ELP2: variants seen among roughly 807,000 people sequenced by gnomAD.
ELP2 encodes the protein elongator acetyltransferase complex subunit 2, also known as elongator complex protein 2.
A neutral mutation model predicts 119.2 loss-of-function variants in ELP2; 90 were observed. The observed-to-expected ratio is 0.75, with a 90% confidence interval of 0.64 to 0.90. The LOEUF (loss-of-function observed/expected upper bound fraction) is 0.90, where lower values mean the gene tolerates loss of function less well. Among genes scored for constraint, ELP2 ranks in the 40% least tolerant of loss-of-function variants. ELP2 has a pLI of 0.00. For missense variants in ELP2, 921 were observed against 967.8 expected (o/e 0.95, Z 0.64); for synonymous variants, 339 against 331.0 (o/e 1.02, Z -0.26).
intron 3 of ELP2, 75 bp from the exon 4 acceptor site, chr18:36,138,195 G>C: frequency 6.6e-7 from 1 of 1,509,952 alleles, no homozygotes. Context: ...CATTTTATTG[G>C]CACATTTATC....
chr18:36,156,354 A>G, intron 12 of ELP2, 112 bp from the exon 13 acceptor site: 2 of 1,046,478 alleles, frequency 1.9e-6, no homozygotes, highest in Non-Finnish European at 2.9e-6. Context: ...ATGGATGAAT[A>G]TTTGCCCCAT....
Position 36,164,652 on chromosome 18 carries a change from A to G in ELP2, c.1939A>G (p.Ile647Val), listed in dbSNP as rs774200951. The G allele has an allele frequency of 1.1e-5, 17 of 1,613,948 alleles. No individual in the cohort carries two copies. The highest frequency in any genetic ancestry group is 4.5e-5 in the East Asian group (2 of 44,864). ...GTCATTGTGGAAAAAGCAGGATACA[A>G]TCTCACCTGAGTTCGGTAAAACAGC... ...TWSLWKKQDT[I>V]SPEFEPVFSL... Residue 647 changes from isoleucine (I) to valine (V), a missense_variant, in exon 18 of 22, where the codon ATC becomes GTC. By Grantham distance (29) the Ile-to-Val change is conservative (BLOSUM62 3). Transcript: ENST00000358232.
intron 5 of ELP2, among the ~76,000 whole-genome samples, chr18:36,139,994 T>G (rs932890249): frequency 2.6e-5 from 4 of 151,920 alleles, no homozygotes; most frequent in African/African-American, 9.7e-5. Context: ...ACAAGCATGC[T>G]CCACCACGCC....
chr18:36,146,256 G>A lies in ELP2; in HGVS notation c.1000G>A (p.Val334Ile). ...ESGVWLEQVR[V>I]GEVGGNTLGF... Reference sequence around the variant, plus strand: ...TCTGTCTGTTATTGTACAGGTTCGAGTAGGTGAAGTAGGTGGGAATACTTT... The same window carrying A: ...TCTGTCTGTTATTGTACAGGTTCGAATAGGTGAAGTAGGTGGGAATACTTT... The change falls in exon 11 of 22, where the codon GTA becomes ATA. Residue 334 changes from valine to isoleucine, a missense_variant. Coordinates refer to ENST00000358232, the MANE Select transcript of ELP2 (RefSeq NM_018255.4). 6.2e-7 allele frequency: 1 copy of A among 1,614,112 alleles called. No homozygotes were observed. Among genetic ancestry groups the A allele is most frequent in the South Asian group, 1.1e-5 (1 of 91,090 alleles).
At chr18:36,138,740 G>C in intron 4 of ELP2, 55 bp from the exon 5 acceptor site, 1 of 1,427,580 alleles carries the variant, frequency 7.0e-7, no homozygotes, top group Non-Finnish European at 9.9e-7. Flanking sequence ...AACCTGTCTA[G>C]TTGGATAAGC....
At chr18:36,135,690 C>G (rs1484462131) in intron 2 of ELP2, among the ~76,000 whole-genome samples, 1 of 152,096 alleles carries the variant, frequency 6.6e-6, no homozygotes, top group East Asian at 1.9e-4. Flanking sequence ...GTAGTAGCAC[C>G]TGACTACAAT....
At chr18:36,168,521 G>A (rs2090972269) in intron 19 of ELP2, among the ~76,000 whole-genome samples, 1 of 152,178 alleles carries the variant, frequency 6.6e-6, no homozygotes, top group Admixed American at 6.5e-5. Flanking sequence ...CGTGGTGGCA[G>A]GAGAAAGAAG....
chr18:36,132,444 C>G (rs1232006610), intron 1 of ELP2, among the ~76,000 whole-genome samples: 1 of 152,214 alleles, frequency 6.6e-6, no homozygotes, highest in East Asian at 1.9e-4. Flanking sequence ...AGTTTATGCA[C>G]ATTTGCCTCT....
rs2091294298 is a variant in ELP2 at position 36,179,667 on chromosome 18, CAGAG to C, written c.*5027_*5030del. The C allele has an allele frequency of 6.6e-6, 1 of 152,222 alleles. No homozygotes were observed. Among genetic ancestry groups the C allele is most frequent in the Admixed American group, 6.5e-5 (1 of 15,284 alleles). 9.4% of individuals were successfully genotyped at this position (152,222 alleles called of 1,614,324 possible). On this transcript the variant is annotated 3_prime_UTR_variant, in exon 22 of 22. Coordinates refer to ENST00000358232, the MANE Select transcript of ELP2 (RefSeq NM_018255.4). The stretch of plus-strand genomic sequence containing the variant: ...ACTGTCCCCAGACTGTCTCCCGACA[CAGAG>C]GGATGCAAAGGCAGCCTCTTCCTGC...
At chr18:36,145,902 C>A in intron 9 of ELP2, 46 bp from the exon 10 acceptor site, 1 of 1,487,466 alleles carries the variant, frequency 6.7e-7, no homozygotes, top group Non-Finnish European at 9.4e-7. Flanking sequence ...CATCTACAAA[C>A]ATGATGATTG....
At chr18:36,143,716 A>G (rs1045295967) in intron 8 of ELP2, among the ~76,000 whole-genome samples, 10 of 151,992 alleles carry the variant, frequency 6.6e-5, no homozygotes, top group East Asian at 1.9e-4. Context: ...GTATTTTCCT[A>G]TTTTTATGTG....
At chr18:36,149,424 T>G (rs2090315590) in intron 11 of ELP2, among the ~76,000 whole-genome samples, 1 of 151,412 alleles carries the variant, frequency 6.6e-6, no homozygotes, top group Non-Finnish European at 1.5e-5. Flanking sequence ...CCCATTCCCG[T>G]CATGCCTTAG....
Position 36,174,688 on chromosome 18 carries a change from TATC to T in ELP2, c.*50_*52del, listed in dbSNP as rs762970986. On this transcript the variant is annotated 3_prime_UTR_variant, in exon 22 of 22. Coordinates refer to ENST00000358232, the MANE Select transcript of ELP2 (RefSeq NM_018255.4). The stretch of plus-strand genomic sequence containing the variant: ...TGCAGTCACTGGTATCTTAAAATAT[TATC>T]ATGTAAACAGGTCATCTTTACCTTC... 1.9e-6 allele frequency: 3 copies of T among 1,593,140 alleles called. No individual in the cohort carries two copies. Among genetic ancestry groups the T allele is most frequent in the Admixed American group, 1.7e-5 (1 of 59,914 alleles).
At chr18:36,162,207 C>T (rs2090762507) in intron 17 of ELP2, among the ~76,000 whole-genome samples, 1 of 152,148 alleles carries the variant, frequency 6.6e-6, no homozygotes, top group Admixed American at 6.6e-5. Flanking sequence ...TTCCTCTTTT[C>T]TACCTCTCCC....
intron 3 of ELP2, 173 bp downstream of exon 3, chr18:36,136,550 G>C: frequency 3.5e-6 from 2 of 574,330 alleles, no homozygotes; most frequent in Admixed American, 3.0e-5. Context: ...GCTGATTTCT[G>C]TTTGTTTGTT....
chr18:36,154,562 A>G (rs574860267), intron 11 of ELP2, among the ~76,000 whole-genome samples: 3 of 152,192 alleles, frequency 2.0e-5, no homozygotes, highest in Admixed American at 6.5e-5. Context: ...GTTTTATTCT[A>G]TAATTGAGAC....
chr18:36,166,120 G>T (rs548057200), intron 18 of ELP2, among the ~76,000 whole-genome samples: 1 of 151,710 alleles, frequency 6.6e-6, no homozygotes, highest in South Asian at 2.1e-4. Context: ...ATGAACCCAG[G>T]AGATAAAGGT....
rs1343360321 is a variant in ELP2 at position 36,160,944 on chromosome 18, T to C, written c.1701T>C (p.Gly567=). 1.2e-6 allele frequency: 2 copies of C among 1,612,176 alleles called. No individual in the cohort carries two copies. The highest frequency in any genetic ancestry group is 4.5e-5 in the East Asian group (2 of 44,842). The change falls in exon 17 of 22, where the codon GGT becomes GGC. Residue 567 remains glycine (G), a synonymous_variant. Transcript: ENST00000358232. The part of the protein sequence containing the change: ...WPEVQKLYGH[G]YEIFCVTCNS... Reference sequence around the variant, plus strand: ...TTTTAAATTTTAGATATGGGCACGGTTATGAAATATTTTGTGTTACTTGTA... The same window carrying C: ...TTTTAAATTTTAGATATGGGCACGGCTATGAAATATTTTGTGTTACTTGTA...
In ELP2 at chr18:36,178,640, TC is replaced by T. The variant is rs1226595873; in HGVS notation, c.*4000del. On this transcript the variant is annotated 3_prime_UTR_variant, in exon 22 of 22. Coordinates refer to ENST00000358232, the MANE Select transcript of ELP2 (RefSeq NM_018255.4). ...GTTATGATTGGTTTTGTTTTTTTTTTCTCTAGAGACTGGGTTTTGCAGTGTT... is the reference window on the plus strand; with the variant it reads ...GTTATGATTGGTTTTGTTTTTTTTTTTCTAGAGACTGGGTTTTGCAGTGTT... The T allele has an allele frequency of 6.6e-6, 1 of 151,750 alleles. No individual in the cohort carries two copies. Among genetic ancestry groups the T allele is most frequent in the East Asian group, 1.9e-4 (1 of 5,188 alleles). The allele number at this position is 151,750 out of a possible 1,614,324, so 9.4% of individuals were successfully genotyped here.
Sources: allele counts gnomAD v4.1 joint callset (sites outside exome capture counted in the v4.1 genomes callset), GRCh38; gene constraint gnomAD v4.1.1; transcripts MANE v1.5; gene names NCBI Gene and HGNC (gene_info 2026-07-23, HGNC 2026-07-21).